CNTN5: variants seen among roughly 807,000 people sequenced by gnomAD.
The protein encoded by CNTN5 is contactin 5, also known as contactin-5.
Under a neutral mutation model 129.1 loss-of-function variants are expected in CNTN5, and 77 were observed. That is an observed-to-expected ratio of 0.60 (90% CI 0.50 to 0.72). The LOEUF (loss-of-function observed/expected upper bound fraction) is 0.72, where lower values mean the gene tolerates loss of function less well. Ranked by LOEUF, CNTN5 falls within the 30% of genes least tolerant of loss-of-function variation. The probability of loss-of-function intolerance (pLI) is 0.00; values close to 1 mark genes in which losing one functional copy is unlikely to be tolerated. For synonymous variants in CNTN5, 509 were observed against 465.6 expected (o/e 1.09, Z -1.20); for missense variants, 1,478 against 1,328.8 (o/e 1.11, Z -1.75).
intron 2 of CNTN5, among the ~76,000 whole-genome samples, chr11:99,364,156 A>C (rs2136115079): frequency 6.6e-6 from 1 of 152,102 alleles, no homozygotes; most frequent in South Asian, 2.1e-4. Flanking sequence ...AAGGTTTTTT[A>C]TAAATTAAGA....
At chr11:99,468,331 A>G (rs113470563) in intron 2 of CNTN5, among the ~76,000 whole-genome samples, 1,850 of 152,298 alleles carry the variant, frequency 0.012, 38 homozygotes, top group African/African-American at 0.042. Flanking sequence ...CCAATGGAGT[A>G]TATAGCATAG....
At chr11:100,118,604 G>A (rs1335769140) in intron 13 of CNTN5, among the ~76,000 whole-genome samples, 2 of 151,684 alleles carry the variant, frequency 1.3e-5, no homozygotes, top group Non-Finnish European at 2.9e-5. Context: ...TAATTACTTT[G>A]GATTTTAACT....
intron 6 of CNTN5, among the ~76,000 whole-genome samples, chr11:99,909,441 C>T (rs1490916843): frequency 5.9e-5 from 9 of 152,100 alleles, no homozygotes; most frequent in Admixed American, 5.9e-4. Context: ...TACCATTTGA[C>T]TCAACCATCC....
At chr11:99,596,662 GA>G (rs1950136020) in intron 3 of CNTN5, among the ~76,000 whole-genome samples, 1 of 152,074 alleles carries the variant, frequency 6.6e-6, no homozygotes, top group African/African-American at 2.4e-5. Flanking sequence ...CATGTGGGAG[GA>G]AAAAACATAT....
chr11:99,358,491 G>A (rs1400187447), intron 2 of CNTN5, among the ~76,000 whole-genome samples: 1 of 150,988 alleles, frequency 6.6e-6, no homozygotes, highest in Admixed American at 6.6e-5. Context: ...AACCTGGGAG[G>A]CGGAGGTTGC....
chr11:99,610,067 A>G (rs145694774), intron 3 of CNTN5, among the ~76,000 whole-genome samples: 1 of 152,272 alleles, frequency 6.6e-6, no homozygotes, highest in Non-Finnish European at 1.5e-5. Flanking sequence ...TACTTGTTCA[A>G]TGCCACAAAG....
chr11:99,791,106 T>G (rs1945725776), intron 3 of CNTN5, among the ~76,000 whole-genome samples: 1 of 96,450 alleles, frequency 1.0e-5, no homozygotes, highest in South Asian at 4.2e-4. Flanking sequence ...GTTTACTTTG[T>G]TGATAGTTTT....
In CNTN5 at chr11:100,309,416, T is replaced by TA. The variant is rs1013326303; in HGVS notation, c.2730+955dup. On this transcript the variant is annotated intron_variant, in intron 21 of 24. Coordinates refer to ENST00000524871, the MANE Select transcript of CNTN5 (RefSeq NM_014361.4). ...TGGCATTAAATAATGATTTCTATGATAAAAAAATTTATACAATCTTTCTAA... is the reference window on the plus strand; with the variant it reads ...TGGCATTAAATAATGATTTCTATGATAAAAAAAATTTATACAATCTTTCTAA... 39 of 968,112 alleles carry TA rather than the reference T, an allele frequency of 4.0e-5. 2 individuals are homozygous for TA. The highest frequency in any genetic ancestry group is 1.9e-4 in the African/African-American group (11 of 56,778). The allele number at this position is 968,112 out of a possible 1,614,324, so 60.0% of individuals were successfully genotyped here. A position where few individuals can be genotyped will look rare whatever the true frequency, so the allele number is the denominator to read the frequency against.
intron 20 of CNTN5, among the ~76,000 whole-genome samples, chr11:100,303,285 A>T (rs1032726576): frequency 1.3e-5 from 2 of 151,612 alleles, no homozygotes; most frequent in African/African-American, 4.8e-5. Flanking sequence ...AAACAATTCC[A>T]TTTTTAAAAA....
chr11:99,737,975 ACTT>A lies in CNTN5; in HGVS notation c.56-81564_56-81562del, dbSNP rs200422163. ...TGCATCCTTAGTGAAATATATTTAT[ACTT>A]CTTCAAGTTTAGTTGAGGAAACAAA... On this transcript the variant is annotated intron_variant, in intron 3 of 24. Coordinates refer to ENST00000524871, the MANE Select transcript of CNTN5 (RefSeq NM_014361.4). Among the ~76,000 whole-genome samples, 403 of 152,324 alleles carry A rather than the reference ACTT, an allele frequency of 2.6e-3. 3 individuals are homozygous for A. Among genetic ancestry groups the A allele is most frequent in the African/African-American group, 9.4e-3 (389 of 41,570 alleles).
At chr11:99,698,746 A>G (rs942722475) in intron 3 of CNTN5, among the ~76,000 whole-genome samples, 2 of 151,144 alleles carry the variant, frequency 1.3e-5, no homozygotes, top group African/African-American at 2.4e-5. Flanking sequence ...ATTTTCCCAC[A>G]TCATAAAATT....
At chr11:99,718,174 T>C (rs866536184) in intron 3 of CNTN5, among the ~76,000 whole-genome samples, 20 of 152,092 alleles carry the variant, frequency 1.3e-4, no homozygotes, top group African/African-American at 4.8e-4. Flanking sequence ...CCTCACTCTT[T>C]ATGATTGTTA....
chr11:99,454,342 C>T (rs1944416788), intron 2 of CNTN5, among the ~76,000 whole-genome samples: 1 of 152,092 alleles, frequency 6.6e-6, no homozygotes, highest in Non-Finnish European at 1.5e-5. Flanking sequence ...TCCCGTAATC[C>T]ACATGGGTCA....
At chr11:99,556,446 A>G (rs993553184) in intron 3 of CNTN5, among the ~76,000 whole-genome samples, 177 bp downstream of exon 3, 6 of 150,420 alleles carry the variant, frequency 4.0e-5, no homozygotes. Flanking sequence ...GCAAAATGCC[A>G]TATACAATTT....
intron 4 of CNTN5, among the ~76,000 whole-genome samples, chr11:99,842,747 T>C (rs893703155): frequency 5.9e-5 from 9 of 152,186 alleles, no homozygotes; most frequent in African/African-American, 2.2e-4. Flanking sequence ...TTTATAGAAG[T>C]TTTCCAATTT....
chr11:100,170,839 T>G (rs940949970), intron 13 of CNTN5, among the ~76,000 whole-genome samples: 23 of 151,854 alleles, frequency 1.5e-4, no homozygotes, highest in African/African-American at 4.8e-4. Flanking sequence ...TCTCTGATGC[T>G]TACTGTTAAC....
rs1161093323 is a variant in CNTN5 at position 100,356,554 on chromosome 11, T to C, written c.*334T>C. 4.2e-6 allele frequency: 1 copy of C among 239,224 alleles called. No individual in the cohort carries two copies. Among genetic ancestry groups the C allele is most frequent in the Non-Finnish European group, 8.1e-6 (1 of 123,476 alleles). The allele number at this position is 239,224 out of a possible 1,614,324, so 14.8% of individuals were successfully genotyped here. A position where few individuals can be genotyped will look rare whatever the true frequency, so the allele number is the denominator to read the frequency against. ...ATTTTATATCTGATGACTCCGAGTG[T>C]GTGCCATCCATTTGTTAAGTAACTG... On this transcript the variant is annotated 3_prime_UTR_variant, in exon 25 of 25. Transcript: ENST00000524871.
intron 3 of CNTN5, among the ~76,000 whole-genome samples, chr11:99,567,515 C>T (rs772709711): frequency 1.3e-5 from 2 of 152,032 alleles, no homozygotes; most frequent in African/African-American, 2.4e-5. Context: ...AAATACAGTC[C>T]TTCTTGGTGG....
chr11:100,198,495 ACC>A (rs1948701921), intron 15 of CNTN5, among the ~76,000 whole-genome samples: 1 of 151,918 alleles, frequency 6.6e-6, no homozygotes, highest in Admixed American at 6.6e-5. Context: ...AAAACATGCT[ACC>A]TGACCTAGAC....
Sources: allele counts gnomAD v4.1 joint callset (sites outside exome capture counted in the v4.1 genomes callset), GRCh38; gene constraint gnomAD v4.1.1; transcripts MANE v1.5; gene names NCBI Gene and HGNC (gene_info 2026-07-23, HGNC 2026-07-21).